NTRK3: variants seen among roughly 807,000 people sequenced by gnomAD.
NTRK3 encodes the protein neurotrophic receptor tyrosine kinase 3.
Under a neutral mutation model 91.7 loss-of-function variants are expected in NTRK3, and 24 were observed. That is an observed-to-expected ratio of 0.26 (90% CI 0.19 to 0.37). The LOEUF (loss-of-function observed/expected upper bound fraction) is 0.37. NTRK3 is among the 10% of genes least tolerant of loss of function. The probability of loss-of-function intolerance (pLI) is 1.00; values close to 1 mark genes in which losing one functional copy is unlikely to be tolerated. For synonymous variants in NTRK3, 483 were observed against 404.0 expected, an observed-to-expected ratio of 1.20 and a Z score of -2.34; for missense variants, 880 against 1,068.9, an observed-to-expected ratio of 0.82 and a Z score of 2.46.
exon 19 of NTRK3, chr15:87,868,031 G>C: frequency 4.3e-6 from 1 of 230,892 alleles, no homozygotes; most frequent in Non-Finnish European, 8.6e-6. Flanking sequence ...GGAAAGATGA[G>C]CTATAGATGA....
chr15:87,959,879 C>T (rs1362158495), intron 14 of NTRK3, among the ~76,000 whole-genome samples: 1 of 152,194 alleles, frequency 6.6e-6, no homozygotes, highest in East Asian at 1.9e-4. Flanking sequence ...CCCAAGGCAT[C>T]CTTGCATGGA....
In NTRK3 at chr15:87,958,545, A is replaced by T. The variant is rs182668772; in HGVS notation, c.1586-17792T>A. Among the ~76,000 whole-genome samples the T allele has an allele frequency of 1.7e-3, 257 of 152,122 alleles. 1 individual carries two copies. The highest frequency in any genetic ancestry group is 1.8e-3 in the Non-Finnish European group (124 of 68,000). On this transcript the variant is annotated intron_variant, in intron 14 of 18. Transcript: ENST00000394480. ...CCCAGGGCGTCCCTATGTGGTAAGC[A>T]GCATTCCCATTCACTCAACGGCTCA...
chr15:88,160,611 G>T (rs1011105260), intron 5 of NTRK3, among the ~76,000 whole-genome samples: 1 of 152,226 alleles, frequency 6.6e-6, no homozygotes. Context: ...AGGAGGACAT[G>T]TGAGCACACC....
intron 13 of NTRK3, among the ~76,000 whole-genome samples, chr15:88,117,116 G>A (rs148463671): frequency 5.3e-5 from 8 of 152,292 alleles, no homozygotes; most frequent in East Asian, 1.9e-4. Context: ...GTGTGGCCTA[G>A]GTTTGGGAAG....
chr15:87,988,015 A>G (rs891704109), intron 14 of NTRK3, among the ~76,000 whole-genome samples: 1 of 152,138 alleles, frequency 6.6e-6, no homozygotes, highest in Admixed American at 6.5e-5. Context: ...CCACCCCTTG[A>G]GTGTACACTG....
chr15:88,109,256 C>T (rs952878170), intron 13 of NTRK3, among the ~76,000 whole-genome samples: 15 of 152,266 alleles, frequency 9.9e-5, no homozygotes, highest in South Asian at 2.1e-4. Context: ...CCAGGCCTCA[C>T]GCAGAGGGTG....
rs530268280 is a variant in NTRK3, at chr15:88,189,592, G to A, written c.249-5293C>T. On this transcript the variant is annotated intron_variant, in intron 3 of 18. Transcript: ENST00000394480. ...CCCGAGTAGCTGGGATTACAGACAT[G>A]TGCCACCACACCCAGCTAATTTTGT... is the stretch of plus-strand genomic sequence containing the variant. Among the ~76,000 whole-genome samples the A allele has an allele frequency of 2.4e-3, 367 of 152,014 alleles. 1 individual carries two copies. Among genetic ancestry groups the A allele is most frequent in the African/African-American group, 8.4e-3 (350 of 41,452 alleles).
intron 14 of NTRK3, among the ~76,000 whole-genome samples, chr15:87,996,871 CTT>C (rs2075744009): frequency 6.6e-6 from 1 of 152,174 alleles, no homozygotes; most frequent in Non-Finnish European, 1.5e-5. Context: ...ATTTTATAAA[CTT>C]TTAGTGTGTA....
chr15:87,910,523 C>T (rs565880677), intron 17 of NTRK3, among the ~76,000 whole-genome samples: 3 of 152,216 alleles, frequency 2.0e-5, no homozygotes, highest in African/African-American at 7.2e-5. Context: ...CTCCAGTGAA[C>T]TCTCCAGGGG....
intron 13 of NTRK3, among the ~76,000 whole-genome samples, chr15:88,109,632 G>C (rs1191239203): frequency 6.6e-6 from 1 of 152,148 alleles, no homozygotes; most frequent in Non-Finnish European, 1.5e-5. Flanking sequence ...GAAAGAGGTG[G>C]GGGGCTGGGC....
intron 14 of NTRK3, among the ~76,000 whole-genome samples, chr15:87,966,731 C>T (rs2072830732): frequency 6.6e-6 from 1 of 152,154 alleles, no homozygotes; most frequent in Admixed American, 6.5e-5. Context: ...GGAAATGAAA[C>T]ATTGTCTAGA....
Position 88,234,059 on chromosome 15 carries a change from T to C in NTRK3, c.248+21847A>G, listed in dbSNP as rs1209166034. ...ACCATGCACCTCGATGCCTCTCGGG[T>C]GGGACCAAGCCTTCTTCTCATGGCA... On this transcript the variant is annotated intron_variant, in intron 3 of 18. Transcript: ENST00000394480. This position sits in a 1 kb window ranked among gnomAD's most constrained non-coding sequence, Gnocchi z 6.1. 6.6e-6 allele frequency among the ~76,000 whole-genome samples: 1 copy of C among 152,162 alleles called. No individual in the cohort carries two copies. The highest frequency in any genetic ancestry group is 2.4e-5 in the African/African-American group (1 of 41,440).
chr15:88,175,419 T>C (rs914467831), intron 5 of NTRK3, among the ~76,000 whole-genome samples: 2 of 152,054 alleles, frequency 1.3e-5, no homozygotes, highest in African/African-American at 2.4e-5. Context: ...GATAGAGCAA[T>C]AGATATACAC....
intron 5 of NTRK3, among the ~76,000 whole-genome samples, chr15:88,160,081 T>C (rs1193149654): frequency 6.6e-6 from 1 of 151,286 alleles, no homozygotes; most frequent in African/African-American, 2.4e-5. Flanking sequence ...GGTCCCGGGA[T>C]GAGTGGAGAT....
intron 3 of NTRK3, among the ~76,000 whole-genome samples, chr15:88,242,055 C>T (rs929104196): frequency 8.5e-5 from 13 of 152,132 alleles, no homozygotes; most frequent in East Asian, 1.9e-4. Context: ...AATAGAGAAA[C>T]GAATGAACGG....
chr15:88,054,296 C>T (rs2045494622), intron 13 of NTRK3, among the ~76,000 whole-genome samples: 1 of 152,192 alleles, frequency 6.6e-6, no homozygotes, highest in South Asian at 2.1e-4. Flanking sequence ...TTCTATATAT[C>T]TACTGACCCA....
intron 14 of NTRK3, among the ~76,000 whole-genome samples, chr15:87,967,084 T>C (rs1748140011): frequency 6.6e-6 from 1 of 152,196 alleles, no homozygotes; most frequent in Non-Finnish European, 1.5e-5. Flanking sequence ...ACTCACTTAG[T>C]AGCAGAGTGT....
chr15:88,066,685 T>C (rs1597103123), intron 13 of NTRK3, among the ~76,000 whole-genome samples: 1 of 152,310 alleles, frequency 6.6e-6, no homozygotes, highest in Non-Finnish European at 1.5e-5. Flanking sequence ...CCTGAGGACC[T>C]GCAGGCAGAG....
chr15:88,128,680 A>C (rs1387573106), intron 11 of NTRK3, 31 bp downstream of exon 11: 2 of 1,610,960 alleles, frequency 1.2e-6, no homozygotes, highest in East Asian at 2.2e-5. Context: ...AGAATAAATC[A>C]GTTTCAAAGC....
Sources: gnomAD v4.1 joint callset for allele counts (sites outside exome capture counted in the v4.1 genomes callset) on GRCh38, gnomAD v4.1.1 for gene constraint, Gnocchi (gnomAD v3.1) non-coding constraint, MANE v1.5 for transcripts, NCBI Gene and HGNC (gene_info 2026-07-23, HGNC 2026-07-21) for gene names.